EBF1: variants seen among roughly 807,000 people sequenced by gnomAD.
EBF1 encodes the protein EBF transcription factor 1, also known as transcription factor COE1.
A neutral mutation model predicts 68.4 loss-of-function variants in EBF1; 10 were observed. That is an observed-to-expected ratio of 0.15 (90% CI 0.09 to 0.25). The LOEUF is 0.25. EBF1 is among the 10% of genes least tolerant of loss of function. The pLI is 1.00. For missense variants in EBF1, 509 were observed against 794.4 expected, an observed-to-expected ratio of 0.64 and a Z score of 4.32; for synonymous variants, 298 against 299.8, an observed-to-expected ratio of 0.99 and a Z score of 0.06.
intron 10 of EBF1, among the ~76,000 whole-genome samples, chr5:158,753,444 T>TACCCA (rs1361196678): frequency 1.3e-4 from 20 of 152,148 alleles, no homozygotes; most frequent in African/African-American, 4.6e-4. Context: ...CTCTGATGGG[T>TACCCA]TCTGGCTATA....
chr5:158,965,266 G>A (rs1350008734), intron 6 of EBF1, among the ~76,000 whole-genome samples: 1 of 152,118 alleles, frequency 6.6e-6, no homozygotes, highest in Non-Finnish European at 1.5e-5. Context: ...AAGCTCTTAG[G>A]TGGAGATTCA....
At chr5:158,761,302 A>G (rs1404378185) in intron 10 of EBF1, among the ~76,000 whole-genome samples, 2 of 152,206 alleles carry the variant, frequency 1.3e-5, no homozygotes, top group African/African-American at 4.8e-5. Flanking sequence ...ATGTAAACTC[A>G]TATCCTGTTC....
At chr5:158,710,481 C>T (rs1758961126) in intron 14 of EBF1, among the ~76,000 whole-genome samples, 3 of 152,300 alleles carry the variant, frequency 2.0e-5, no homozygotes, top group Middle Eastern at 3.4e-3. Flanking sequence ...TTATAGATCT[C>T]TATGAGAAAC....
At chr5:158,980,563 A>G (rs1044572576) in intron 6 of EBF1, among the ~76,000 whole-genome samples, 45 of 152,338 alleles carry the variant, frequency 3.0e-4, no homozygotes, top group African/African-American at 1.0e-3. Context: ...GTGTTTATTG[A>G]CAGTTCATTA....
chr5:158,852,133 A>G (rs1406027398), intron 6 of EBF1, among the ~76,000 whole-genome samples: 1 of 147,134 alleles, frequency 6.8e-6, no homozygotes, highest in African/African-American at 2.5e-5. Context: ...TGGAAACTTT[A>G]TGCTTCAAGG....
At chr5:158,959,374 C>T (rs1039916967) in intron 6 of EBF1, among the ~76,000 whole-genome samples, 2 of 151,702 alleles carry the variant, frequency 1.3e-5, no homozygotes, top group East Asian at 1.9e-4. Flanking sequence ...TCACTGCAAC[C>T]TCTGTCTCCA....
At chr5:158,730,510 G>A (rs1357985729) in intron 11 of EBF1, among the ~76,000 whole-genome samples, 1 of 152,132 alleles carries the variant, frequency 6.6e-6, no homozygotes, top group African/African-American at 2.4e-5. Context: ...TCTCATATTT[G>A]TGCCTATTTT....
intron 6 of EBF1, among the ~76,000 whole-genome samples, chr5:159,065,924 C>T (rs1451895271): frequency 1.3e-5 from 2 of 152,010 alleles, no homozygotes; most frequent in Non-Finnish European, 2.9e-5. Flanking sequence ...GTCCTTTTTC[C>T]CCCTTTATAT....
chr5:158,826,676 G>A (rs1488874705), intron 7 of EBF1, among the ~76,000 whole-genome samples: 1 of 152,170 alleles, frequency 6.6e-6, no homozygotes, highest in Non-Finnish European at 1.5e-5. Flanking sequence ...GAGATATGCT[G>A]ATTAACACTC....
rs151060696 is a variant in EBF1, at chr5:158,698,641, CT to C, written c.*469del. The C allele has an allele frequency of 0.74, 126,595 of 170,574 alleles. 46,288 individuals are homozygous for C. The highest frequency in any genetic ancestry group is 0.86 in the South Asian group (4,022 of 4,684). 10.6% of individuals were successfully genotyped at this position (170,574 alleles called of 1,614,324 possible). A position where few individuals can be genotyped will look rare whatever the true frequency, so the allele number is the denominator to read the frequency against. Reference sequence around the variant, plus strand: ...GCATTCCTATTCTGTCCCATACAAGCTTTTTTTTTTTTCCTTTTTTTCTTTT... The same window carrying C: ...GCATTCCTATTCTGTCCCATACAAGCTTTTTTTTTTTCCTTTTTTTCTTTT... On this transcript the variant is annotated 3_prime_UTR_variant, in exon 16 of 16. Coordinates refer to ENST00000313708, the MANE Select transcript of EBF1 (RefSeq NM_024007.5).
chr5:158,924,111 C>T (rs1343462122), intron 6 of EBF1, among the ~76,000 whole-genome samples: 2 of 152,228 alleles, frequency 1.3e-5, no homozygotes, highest in Non-Finnish European at 2.9e-5. Flanking sequence ...CCCTAGCATT[C>T]CACTCCTGGG....
chr5:158,759,460 G>C (rs1003692123), intron 10 of EBF1, among the ~76,000 whole-genome samples: 3 of 152,118 alleles, frequency 2.0e-5, no homozygotes, highest in Non-Finnish European at 4.4e-5. Flanking sequence ...CAGCTGGTAC[G>C]GCTCATATTT....
At chr5:158,991,315 TA>T (rs201741548) in intron 6 of EBF1, among the ~76,000 whole-genome samples, 3,240 of 152,332 alleles carry the variant, frequency 0.021, 46 homozygotes, top group Non-Finnish European at 0.033. Context: ...CAGACTGCAA[TA>T]TTTTTCATAT....
At chr5:159,042,484 T>C (rs917895867) in intron 6 of EBF1, among the ~76,000 whole-genome samples, 9 of 152,124 alleles carry the variant, frequency 5.9e-5, no homozygotes, top group Admixed American at 2.0e-4. Context: ...GATCAATGAA[T>C]TCAAATATCC....
chr5:158,933,958 C>CT (rs1278471187), intron 6 of EBF1, among the ~76,000 whole-genome samples: 2 of 152,210 alleles, frequency 1.3e-5, no homozygotes. Flanking sequence ...TTTAATGACT[C>CT]TTTTTTGTAT....
chr5:159,096,909 A>G, intron 2 of EBF1, 65 bp downstream of exon 2: 1 of 1,578,492 alleles, frequency 6.3e-7, no homozygotes, highest in Non-Finnish European at 8.6e-7. Flanking sequence ...CGCGCTGCCC[A>G]AGGCTCCCGG....
intron 6 of EBF1, among the ~76,000 whole-genome samples, chr5:158,855,631 C>G (rs1453888937): frequency 6.6e-6 from 1 of 152,200 alleles, no homozygotes; most frequent in Non-Finnish European, 1.5e-5. Context: ...CTCTCATTCC[C>G]CATCATCGTC....
chr5:158,949,904 C>G (rs1445155416), intron 6 of EBF1, among the ~76,000 whole-genome samples: 3 of 152,212 alleles, frequency 2.0e-5, no homozygotes, highest in African/African-American at 4.8e-5. Flanking sequence ...CTCCCTAGCT[C>G]AATCCATACT....
chr5:158,762,016 G>T (rs556493872), intron 10 of EBF1, among the ~76,000 whole-genome samples: 1 of 152,242 alleles, frequency 6.6e-6, no homozygotes, highest in South Asian at 2.1e-4. Context: ...AAAATGGGGA[G>T]TACTTTATTC....
Sources: gnomAD v4.1 joint callset for allele counts (sites outside exome capture counted in the v4.1 genomes callset) on GRCh38, gnomAD v4.1.1 for gene constraint, MANE v1.5 for transcripts, NCBI Gene and HGNC (gene_info 2026-07-23, HGNC 2026-07-21) for gene names.